The following CLMP variants were observed in gnomAD, a reference collection of about 807,000 sequenced individuals.
CLMP encodes the protein CXADR like cell adhesion molecule.
In CLMP, 27 loss-of-function variants were observed where a neutral mutation model predicts 45.2. The observed-to-expected ratio is 0.60, with a 90% CI of 0.44 to 0.82. The LOEUF is 0.82. Among genes scored for constraint, CLMP ranks in the 40% least tolerant of loss-of-function variants. The pLI, the probability that CLMP is intolerant of heterozygous loss-of-function variation, is 0.00. For synonymous variants in CLMP, 167 were observed against 171.4 expected, an observed-to-expected ratio of 0.97 and a Z score of 0.20; for missense variants, 403 against 448.4, an observed-to-expected ratio of 0.90 and a Z score of 0.91.
In CLMP at chr11:123,083,687, A is replaced by G. The variant is rs1396831387; in HGVS notation, c.549T>C (p.Ser183=). The G allele has an allele frequency of 6.2e-7, 1 of 1,614,018 alleles. No individual in the cohort carries two copies. Among genetic ancestry groups the G allele is most frequent in the East Asian group, 2.2e-5 (1 of 44,874 alleles). The change falls in exon 4 of 7, where the codon TCT becomes TCC. Residue 183 remains serine (S), a synonymous_variant. Transcript: ENST00000448775. ...GGTAGGAAGATGACTTACCAATCCT[A>G]GATTTGGGAGGCAGACGTTCATCCT... is the stretch of plus-strand genomic sequence containing the variant. The part of the protein sequence containing the change: ...EGEDERLPPK[S]RIDYNHPGRV...
chr11:123,107,534 A>ATTT (rs370750162), intron 1 of CLMP, among the ~76,000 whole-genome samples: 2,035 of 123,364 alleles, frequency 0.016, 51 homozygotes, highest in Non-Finnish European at 0.025. Flanking sequence ...CCTGACCTAA[A>ATTT]TTTTTTTTTT....
rs537662041 is a variant in CLMP, at chr11:123,167,287, C to A, written c.28+27626G>T. Among the ~76,000 whole-genome samples the A allele has an allele frequency of 1.9e-4, 29 of 152,036 alleles. No individual in the cohort carries two copies. The East Asian group carries it at 2.3e-3, about 12-fold the overall frequency. ...TTAGAAAGACAGATGTCTTTTATTTCTTTCTTTCTTTCTTTTGAGACGGAG... is the reference window on the plus strand; with the variant it reads ...TTAGAAAGACAGATGTCTTTTATTTATTTCTTTCTTTCTTTTGAGACGGAG... On this transcript the variant is annotated intron_variant, in intron 1 of 6. Coordinates refer to ENST00000448775, the MANE Select transcript of CLMP (RefSeq NM_024769.5).
chr11:123,122,531 G>A (rs1036866287), intron 1 of CLMP, among the ~76,000 whole-genome samples: 4 of 152,096 alleles, frequency 2.6e-5, no homozygotes, highest in Non-Finnish European at 2.9e-5. Flanking sequence ...TGGGATACAC[G>A]GTGGCCACAC....
intron 5 of CLMP, among the ~76,000 whole-genome samples, chr11:123,078,735 C>T (rs1289997567): frequency 1.3e-5 from 2 of 151,218 alleles, no homozygotes; most frequent in Non-Finnish European, 2.9e-5. Context: ...AGCTCCACCT[C>T]CCGGGTTCAC....
intron 1 of CLMP, among the ~76,000 whole-genome samples, chr11:123,162,867 C>T (rs1002877742): frequency 5.3e-5 from 8 of 151,054 alleles, no homozygotes; most frequent in Admixed American, 2.6e-4. Flanking sequence ...ACGGCACCAC[C>T]GCACTCCAGC....
chr11:123,142,265 C>T (rs921301306), intron 1 of CLMP, among the ~76,000 whole-genome samples: 7 of 152,110 alleles, frequency 4.6e-5, no homozygotes, highest in Non-Finnish European at 1.0e-4. Flanking sequence ...GCATTACAGG[C>T]GTAAGTCACT....
intron 1 of CLMP, among the ~76,000 whole-genome samples, chr11:123,111,516 A>C (rs1860638108): frequency 6.6e-6 from 1 of 152,222 alleles, no homozygotes; most frequent in South Asian, 2.1e-4. Flanking sequence ...CAAAGAACTG[A>C]AAAGAACTGG....
At chr11:123,179,542 T>C (rs1005640793) in intron 1 of CLMP, among the ~76,000 whole-genome samples, 2 of 152,176 alleles carry the variant, frequency 1.3e-5, no homozygotes, top group Non-Finnish European at 2.9e-5. Context: ...GTGGAGATTA[T>C]ATACCTGTGT....
At chr11:123,192,151 T>C (rs994389094) in intron 1 of CLMP, among the ~76,000 whole-genome samples, 1 of 152,158 alleles carries the variant, frequency 6.6e-6, no homozygotes, top group African/African-American at 2.4e-5. Flanking sequence ...GGACATGTTT[T>C]GGGCGCATGA....
intron 1 of CLMP, among the ~76,000 whole-genome samples, chr11:123,141,737 C>T (rs189325746): frequency 1.4e-3 from 215 of 152,032 alleles, no homozygotes; most frequent in Middle Eastern, 3.4e-3. Context: ...TTTTACTTAA[C>T]GATATAAACT....
intron 1 of CLMP, chr11:123,193,066 C>G (rs571564046): frequency 6.6e-6 from 1 of 152,266 alleles, no homozygotes; most frequent in East Asian, 1.9e-4. Flanking sequence ...ATGGTGAGAT[C>G]GAAGAGCCAG....
At chr11:123,100,962 C>T (rs1295180280) in intron 1 of CLMP, among the ~76,000 whole-genome samples, 2 of 152,132 alleles carry the variant, frequency 1.3e-5, no homozygotes, top group Non-Finnish European at 2.9e-5. Context: ...CCCCCGACCT[C>T]TCTGTGAGTG....
At chr11:123,118,966 TTTC>T (rs1860761318) in intron 1 of CLMP, among the ~76,000 whole-genome samples, 1 of 44,266 alleles carries the variant, frequency 2.3e-5, no homozygotes, top group African/African-American at 9.5e-5. Flanking sequence ...TCTTTCTTTC[TTTC>T]TTTCTTTCTT....
intron 2 of CLMP, 132 bp from the exon 3 acceptor site, chr11:123,084,845 C>A: frequency 1.5e-6 from 1 of 686,106 alleles, no homozygotes. Flanking sequence ...GTCCAAGAGA[C>A]CTCTGTTCTA....
intron 3 of CLMP, 115 bp downstream of exon 3, chr11:123,084,397 A>G (rs568465767): frequency 1.1e-4 from 88 of 793,552 alleles, no homozygotes; most frequent in Admixed American, 3.7e-4. Flanking sequence ...TGACCTCTGA[A>G]TGTGTAATCC....
At chr11:123,124,036 C>A (rs976975577) in intron 1 of CLMP, among the ~76,000 whole-genome samples, 1 of 151,842 alleles carries the variant, frequency 6.6e-6, no homozygotes, top group African/African-American at 2.4e-5. Context: ...GAGGAGAGAG[C>A]GATTCATTTG....
chr11:123,102,366 C>T (rs1236780549), intron 1 of CLMP, among the ~76,000 whole-genome samples: 2 of 149,878 alleles, frequency 1.3e-5, no homozygotes, highest in African/African-American at 4.9e-5. Flanking sequence ...GTGCAACCTC[C>T]GACTCCCCGG....
In CLMP at chr11:123,158,533, G is replaced by A. The variant is rs956113150; in HGVS notation, c.28+36380C>T. Among the ~76,000 whole-genome samples the A allele has an allele frequency of 3.9e-5, 6 of 152,132 alleles. No individual in the cohort carries two copies. In the South Asian group the frequency reaches 1.0e-3, roughly 26 times the overall value. On this transcript the variant is annotated intron_variant, in intron 1 of 6. Transcript: ENST00000448775. The stretch of plus-strand genomic sequence containing the variant: ...CCTGCCCTCCTCTATGGGCCTCACT[G>A]TCTCCCCCTTTAAAAGGGCACTGCT...
At chr11:123,166,757 T>A (rs1460609645) in intron 1 of CLMP, among the ~76,000 whole-genome samples, 1 of 152,168 alleles carries the variant, frequency 6.6e-6, no homozygotes, top group Admixed American at 6.5e-5. Flanking sequence ...ATTGTATATT[T>A]CAAAATAGTT....
Sources: gnomAD v4.1 joint callset for allele counts (sites outside exome capture counted in the v4.1 genomes callset) on GRCh38, gnomAD v4.1.1 for gene constraint, MANE v1.5 for transcripts, NCBI Gene and HGNC (gene_info 2026-07-23, HGNC 2026-07-21) for gene names.